The following PEBP4 variants were observed in gnomAD, a reference collection of about 807,000 sequenced individuals.
The protein encoded by PEBP4 is phosphatidylethanolamine-binding protein 4.
A neutral mutation model predicts 23.9 loss-of-function variants in PEBP4; 22 were observed. The ratio of observed to expected loss-of-function variants is 0.92; its 90% CI spans 0.66 to 1.31. The LOEUF (loss-of-function observed/expected upper bound fraction) is 1.31, where lower values mean the gene tolerates loss of function less well. PEBP4 is among the 40% of genes most tolerant of loss of function. The pLI, the probability that PEBP4 is intolerant of heterozygous loss-of-function variation, is 0.00. For synonymous variants in PEBP4, 112 were observed against 99.3 expected, an observed-to-expected ratio of 1.13 and a Z score of -0.76; for missense variants, 324 against 281.7, an observed-to-expected ratio of 1.15 and a Z score of -1.07.
intron 3 of PEBP4, among the ~76,000 whole-genome samples, chr8:22,832,455 C>T (rs1035802777): frequency 6.6e-6 from 1 of 152,206 alleles, no homozygotes; most frequent in Non-Finnish European, 1.5e-5. Context: ...TCTTGGACTT[C>T]CCAGCCCCTA....
Position 22,865,699 on chromosome 8 carries a change from C to G in PEBP4, c.259-47964G>C, listed in dbSNP as rs1046575308. On this transcript the variant is annotated intron_variant, in intron 3 of 6. Coordinates refer to ENST00000256404, the MANE Select transcript of PEBP4 (RefSeq NM_144962.3). This position sits in a 1 kb window ranked among gnomAD's most constrained non-coding sequence, Gnocchi z 6.9. ...TCCGTTCCAGCCACCTCCCGCCGCC[C>G]GGATCCCAGAGGAAAGGGGAGAGGA... 8.5e-5 allele frequency among the ~76,000 whole-genome samples: 13 copies of G among 152,264 alleles called. No homozygotes were observed. In the East Asian group the frequency reaches 2.5e-3, roughly 29 times the overall value.
At chr8:22,868,514 A>G (rs551012632) in intron 3 of PEBP4, among the ~76,000 whole-genome samples, 1 of 152,230 alleles carries the variant, frequency 6.6e-6, no homozygotes, top group South Asian at 2.1e-4. Flanking sequence ...GCCCAATTTC[A>G]TATACACAAA....
chr8:22,793,463 T>C (rs371102725), intron 4 of PEBP4, among the ~76,000 whole-genome samples: 5 of 147,036 alleles, frequency 3.4e-5, no homozygotes, highest in African/African-American at 1.0e-4. Context: ...GTATTTTTAG[T>C]AGAGGTGGGG....
intron 3 of PEBP4, among the ~76,000 whole-genome samples, chr8:22,828,922 G>A (rs1296972938): frequency 6.6e-6 from 1 of 151,806 alleles, no homozygotes; most frequent in Non-Finnish European, 1.5e-5. Context: ...TCCCCCAAAC[G>A]GCTCCACCTC....
intron 4 of PEBP4, among the ~76,000 whole-genome samples, chr8:22,782,772 A>G (rs1585269696): frequency 6.6e-6 from 1 of 152,198 alleles, no homozygotes; most frequent in Non-Finnish European, 1.5e-5. Context: ...CCGTTTTATC[A>G]GCAGCTGGCC....
At chr8:22,735,648 G>A (rs971726013) in intron 4 of PEBP4, among the ~76,000 whole-genome samples, 1 of 152,208 alleles carries the variant, frequency 6.6e-6, no homozygotes, top group Non-Finnish European at 1.5e-5. Flanking sequence ...TTCTCCAAAT[G>A]ATCAGTAACT....
At chr8:22,782,928 G>C (rs2128755549) in intron 4 of PEBP4, among the ~76,000 whole-genome samples, 1 of 152,322 alleles carries the variant, frequency 6.6e-6, no homozygotes, top group East Asian at 1.9e-4. Flanking sequence ...TCACAGGGAA[G>C]ACGACTAGCT....
At chr8:22,850,121 A>C (rs1807520741) in intron 3 of PEBP4, among the ~76,000 whole-genome samples, 1 of 152,124 alleles carries the variant, frequency 6.6e-6, no homozygotes. Context: ...TAAGAAAAAA[A>C]AAAAAAATCC....
At chr8:22,740,773 G>A (rs1303463561) in intron 4 of PEBP4, among the ~76,000 whole-genome samples, 4 of 152,206 alleles carry the variant, frequency 2.6e-5, no homozygotes, top group African/African-American at 9.7e-5. Flanking sequence ...GGTGTTCAGA[G>A]GGGCTGGGCC....
chr8:22,751,588 C>CTGTGTGTG (rs139334012), intron 4 of PEBP4, among the ~76,000 whole-genome samples: 2 of 147,148 alleles, frequency 1.4e-5, no homozygotes, highest in Non-Finnish European at 3.0e-5. Context: ...AGGAGTGTGT[C>CTGTGTGTG]TGTGTGTGTG....
intron 4 of PEBP4, among the ~76,000 whole-genome samples, chr8:22,785,981 G>T (rs1290107670): frequency 6.6e-6 from 1 of 152,212 alleles, no homozygotes; most frequent in Non-Finnish European, 1.5e-5. Flanking sequence ...CGAACGTCAA[G>T]TAGGGTCAGT....
chr8:22,742,399 G>A (rs1225730406), intron 4 of PEBP4, among the ~76,000 whole-genome samples: 1 of 152,156 alleles, frequency 6.6e-6, no homozygotes. Context: ...TGGGAAAGAG[G>A]GTGAGACCCC....
chr8:22,887,173 A>T (rs1394947696), intron 3 of PEBP4: 2 of 150,888 alleles, frequency 1.3e-5, no homozygotes, highest in Non-Finnish European at 2.9e-5. Context: ...TTTGAGACAG[A>T]GTTTCGCTCT....
At chr8:22,858,029 G>A (rs538779451) in intron 3 of PEBP4, among the ~76,000 whole-genome samples, 19 of 152,316 alleles carry the variant, frequency 1.2e-4, no homozygotes, top group Admixed American at 5.2e-4. Flanking sequence ...TTTTCAGAGC[G>A]TGGGGACCAT....
At chr8:22,809,213 G>C (rs986423421) in intron 4 of PEBP4, among the ~76,000 whole-genome samples, 1 of 152,172 alleles carries the variant, frequency 6.6e-6, no homozygotes, top group Non-Finnish European at 1.5e-5. Flanking sequence ...CAACATTCCT[G>C]CGAGGTCGAC....
intron 3 of PEBP4, among the ~76,000 whole-genome samples, chr8:22,888,439 C>T (rs1424596631): frequency 6.6e-6 from 1 of 152,176 alleles, no homozygotes; most frequent in Non-Finnish European, 1.5e-5. Flanking sequence ...CCGGATGCCC[C>T]AACCCATCCA....
chr8:22,777,682 G>A (rs892960943), intron 4 of PEBP4, among the ~76,000 whole-genome samples: 4 of 152,108 alleles, frequency 2.6e-5, no homozygotes, highest in East Asian at 1.9e-4. Context: ...CTGGGGCACC[G>A]GGAAATGTTA....
chr8:22,864,699 TA>T (rs962068221), intron 3 of PEBP4, among the ~76,000 whole-genome samples: 1 of 152,072 alleles, frequency 6.6e-6, no homozygotes, highest in Non-Finnish European at 1.5e-5. Flanking sequence ...TTGTTAGGAC[TA>T]AAAATAGAGT....
chr8:22,779,990 C>T (rs1286682565), intron 4 of PEBP4, among the ~76,000 whole-genome samples: 1 of 151,504 alleles, frequency 6.6e-6, no homozygotes, highest in African/African-American at 2.4e-5. Flanking sequence ...TCACTGTTGC[C>T]CAGGGTGGAG....
Sources: gnomAD v4.1 joint callset for allele counts (sites outside exome capture counted in the v4.1 genomes callset) on GRCh38, gnomAD v4.1.1 for gene constraint, Gnocchi (gnomAD v3.1) non-coding constraint, MANE v1.5 for transcripts, NCBI Gene and HGNC (gene_info 2026-07-23, HGNC 2026-07-21) for gene names.